Variants in POU6F2 observed in about 807,000 individuals in gnomAD.
POU6F2 encodes the protein POU domain, class 6, transcription factor 2.
Under a neutral mutation model 71.3 loss-of-function variants are expected in POU6F2, and 31 were observed. The ratio of observed to expected loss-of-function variants is 0.43; its 90% confidence interval spans 0.33 to 0.59. POU6F2 has a LOEUF of 0.59. POU6F2 is among the 20% of genes least tolerant of loss of function. The pLI is 0.04. For synonymous variants in POU6F2, 347 were observed against 355.7 expected, an observed-to-expected ratio of 0.98 and a Z score of 0.27; for missense variants, 783 against 856.8, an observed-to-expected ratio of 0.91 and a Z score of 1.07.
intron 6 of POU6F2, among the ~76,000 whole-genome samples, chr7:39,413,113 A>C (rs1583582963): frequency 6.6e-6 from 1 of 151,568 alleles, no homozygotes; most frequent in Non-Finnish European, 1.5e-5. Context: ...CTTCTTGCTT[A>C]TTTTTAAAAG....
intron 6 of POU6F2, among the ~76,000 whole-genome samples, chr7:39,412,229 G>A (rs1346497828): frequency 2.0e-5 from 3 of 152,176 alleles, no homozygotes; most frequent in African/African-American, 7.2e-5. Flanking sequence ...CACAGTGCCT[G>A]ATATATGCCA....
chr7:39,377,962 T>C (rs1786743572), intron 5 of POU6F2, among the ~76,000 whole-genome samples: 1 of 152,156 alleles, frequency 6.6e-6, no homozygotes. Flanking sequence ...TTCTCCCTCT[T>C]GCTTGGAGTC....
chr7:39,137,850 G>A (rs1792417943), intron 2 of POU6F2, among the ~76,000 whole-genome samples: 1 of 152,068 alleles, frequency 6.6e-6, no homozygotes, highest in South Asian at 2.1e-4. Flanking sequence ...GCTTCTTGGG[G>A]GTGCAGGCCT....
intron 6 of POU6F2, among the ~76,000 whole-genome samples, chr7:39,411,038 A>G (rs1277270215): frequency 6.6e-6 from 1 of 152,228 alleles, no homozygotes; most frequent in Non-Finnish European, 1.5e-5. Flanking sequence ...ATCATCCAAT[A>G]AATGCTACCT....
chr7:39,429,510 T>C (rs1788047472), intron 6 of POU6F2, among the ~76,000 whole-genome samples: 2 of 152,200 alleles, frequency 1.3e-5, no homozygotes, highest in African/African-American at 2.4e-5. Context: ...CCTGTCTTGT[T>C]TACCCCTCCC....
chr7:39,349,956 G>A (rs1786108826), intron 5 of POU6F2, among the ~76,000 whole-genome samples: 1 of 152,174 alleles, frequency 6.6e-6, no homozygotes, highest in South Asian at 2.1e-4. Flanking sequence ...TGGCCACTCG[G>A]TAGGGATGCC....
intron 1 of POU6F2, among the ~76,000 whole-genome samples, chr7:39,073,621 G>A (rs1416854858): frequency 1.3e-5 from 2 of 152,202 alleles, no homozygotes; most frequent in African/African-American, 4.8e-5. Context: ...AGAGAGGGAG[G>A]GACGGAGCAG....
chr7:39,192,724 T>A (rs1377698255), intron 2 of POU6F2, among the ~76,000 whole-genome samples: 1 of 152,144 alleles, frequency 6.6e-6, no homozygotes, highest in Non-Finnish European at 1.5e-5. Context: ...ACATTTTCTT[T>A]CTCCACATTC....
At chr7:39,339,599 T>G in intron 4 of POU6F2, 43 bp from the exon 5 acceptor site, 2 of 1,541,336 alleles carry the variant, frequency 1.3e-6, no homozygotes, top group Non-Finnish European at 1.7e-6. Context: ...GCAAGACACT[T>G]TGTCATGTTA....
chr7:39,458,818 C>T (rs1788872745), intron 8 of POU6F2, among the ~76,000 whole-genome samples: 1 of 152,090 alleles, frequency 6.6e-6, no homozygotes, highest in Non-Finnish European at 1.5e-5. Context: ...CCTGACAGGT[C>T]CCTACGGTGC....
In POU6F2 at chr7:39,017,437, C is replaced by T. The variant is rs193270371; in HGVS notation, c.105+39379C>T. Among the ~76,000 whole-genome samples the T allele has an allele frequency of 1.1e-3, 168 of 152,234 alleles. 2 individuals are homozygous for T. Among genetic ancestry groups the T allele is most frequent in the Non-Finnish European group, 2.6e-4 (18 of 68,008 alleles). ...TTGTTATGTGTATTATCACAATATT[C>T]TTCTAACTGTTCTCCTTTGTTTGCC... is the stretch of plus-strand genomic sequence containing the variant. On this transcript the variant is annotated intron_variant, in intron 1 of 9. Transcript: ENST00000518318.
At chr7:39,376,772 T>C (rs1786718533) in intron 5 of POU6F2, among the ~76,000 whole-genome samples, 1 of 152,136 alleles carries the variant, frequency 6.6e-6, no homozygotes, top group African/African-American at 2.4e-5. Flanking sequence ...AAACTCAAAA[T>C]GATACTTTAA....
chr7:39,404,695 G>T (rs1445908611), intron 5 of POU6F2: 1 of 152,046 alleles, frequency 6.6e-6, no homozygotes. Flanking sequence ...TGCAAACATG[G>T]CAATTGACAG....
intron 4 of POU6F2, among the ~76,000 whole-genome samples, chr7:39,243,683 C>A (rs1222234396): frequency 6.6e-6 from 1 of 151,800 alleles, no homozygotes; most frequent in Non-Finnish European, 1.5e-5. Flanking sequence ...CAAGACAGTT[C>A]ATGCTACTAG....
chr7:39,316,042 C>G (rs534990869), intron 4 of POU6F2, among the ~76,000 whole-genome samples: 4 of 152,176 alleles, frequency 2.6e-5, no homozygotes, highest in Non-Finnish European at 5.9e-5. Context: ...GCACTGTGTC[C>G]TGGTAGTAAT....
intron 6 of POU6F2, among the ~76,000 whole-genome samples, chr7:39,411,641 G>A (rs1317216738): frequency 1.3e-5 from 2 of 152,220 alleles, no homozygotes; most frequent in Non-Finnish European, 2.9e-5. Flanking sequence ...TATGACAGCT[G>A]AGCAGAGTTG....
At chr7:39,341,643 A>C (rs1785920153) in intron 5 of POU6F2, among the ~76,000 whole-genome samples, 3 of 152,334 alleles carry the variant, frequency 2.0e-5, no homozygotes, top group Non-Finnish European at 1.5e-5. Context: ...AAATAGGTAA[A>C]ATTACCAAAG....
intron 1 of POU6F2, among the ~76,000 whole-genome samples, chr7:39,003,350 T>G (rs1419083412): frequency 6.6e-6 from 1 of 152,040 alleles, no homozygotes; most frequent in Non-Finnish European, 1.5e-5. Flanking sequence ...TCACCTTTGA[T>G]CTAGTAATTC....
chr7:39,164,229 T>C (rs1793062992), intron 2 of POU6F2, among the ~76,000 whole-genome samples: 1 of 151,688 alleles, frequency 6.6e-6, no homozygotes, highest in Non-Finnish European at 1.5e-5. Flanking sequence ...AATTAAAAAA[T>C]AAATAATAGT....
Sources: allele counts gnomAD v4.1 joint callset (sites outside exome capture counted in the v4.1 genomes callset), GRCh38; gene constraint gnomAD v4.1.1; transcripts MANE v1.5; gene names NCBI Gene and HGNC (gene_info 2026-07-23, HGNC 2026-07-21).